The following RNF150 variants were observed in gnomAD, a reference collection of about 807,000 sequenced individuals.
The protein encoded by RNF150 is ring finger protein 150.
RNF150 carries 24 observed loss-of-function variants against 39.3 expected under a neutral mutation model. The ratio of observed to expected loss-of-function variants is 0.61; its 90% confidence interval spans 0.44 to 0.86. The LOEUF (loss-of-function observed/expected upper bound fraction) is 0.86. Ranked by LOEUF, RNF150 falls within the 40% of genes least tolerant of loss-of-function variation. The probability of loss-of-function intolerance (pLI) is 0.00; values close to 1 mark genes in which losing one functional copy is unlikely to be tolerated. For synonymous variants in RNF150, 255 were observed against 227.3 expected, an observed-to-expected ratio of 1.12 and a Z score of -1.10; for missense variants, 502 against 587.8, an observed-to-expected ratio of 0.85 and a Z score of 1.51.
intron 1 of RNF150, among the ~76,000 whole-genome samples, chr4:140,986,291 C>T (rs1368469563): frequency 1.3e-5 from 2 of 152,078 alleles, no homozygotes; most frequent in Non-Finnish European, 2.9e-5. Flanking sequence ...AAGGGGGTTA[C>T]ACAATCTACT....
In RNF150 at chr4:140,867,410, G is replaced by T. The variant is rs1234118891; in HGVS notation, c.*851C>A. ...TAAAACCAGCCCTACAACCACCAAA[G>T]ACTGGATGCCTTGGAGGGGACTTCT... On this transcript the variant is annotated 3_prime_UTR_variant, in exon 7 of 7. Coordinates refer to ENST00000515673, the MANE Select transcript of RNF150 (RefSeq NM_020724.2). 1 of 152,212 alleles carries T rather than the reference G, an allele frequency of 6.6e-6. No individual in the cohort carries two copies. The highest frequency in any genetic ancestry group is 2.1e-4 in the South Asian group (1 of 4,830). The allele number at this position is 152,212 out of a possible 1,614,324, so 9.4% of individuals were successfully genotyped here.
chr4:141,159,729 C>G (rs354925), intron 1 of RNF150, among the ~76,000 whole-genome samples: 147,565 of 152,140 alleles, frequency 0.97, 71,733 homozygotes, highest in East Asian at 1. Flanking sequence ...TTTTTGTAAA[C>G]GCAGGGTTTC....
chr4:141,172,166 A>T (rs1480257304), intron 1 of RNF150, among the ~76,000 whole-genome samples: 9 of 151,474 alleles, frequency 5.9e-5, no homozygotes, highest in Non-Finnish European at 1.2e-4. Context: ...ACTGTGGGGC[A>T]GCTCGGTGGC....
chr4:140,931,622 A>G (rs947114339), intron 4 of RNF150, among the ~76,000 whole-genome samples: 1 of 152,330 alleles, frequency 6.6e-6, no homozygotes, highest in Admixed American at 6.5e-5. Context: ...CCCATGGTTT[A>G]ACAAGTGCTG....
chr4:141,158,706 G>T (rs939498898), intron 1 of RNF150, among the ~76,000 whole-genome samples: 3 of 152,114 alleles, frequency 2.0e-5, no homozygotes, highest in Non-Finnish European at 4.4e-5. Context: ...AGTGTTAATA[G>T]ATAAGGTTCT....
At chr4:140,883,986 T>C (rs1729472197) in intron 6 of RNF150, among the ~76,000 whole-genome samples, 1 of 152,128 alleles carries the variant, frequency 6.6e-6, no homozygotes, top group African/African-American at 2.4e-5. Context: ...CTTTTTTTTT[T>C]TGCTCTTATG....
At chr4:141,142,938 C>T (rs1401373771) in intron 1 of RNF150, among the ~76,000 whole-genome samples, 8 of 151,322 alleles carry the variant, frequency 5.3e-5, no homozygotes, top group Admixed American at 3.3e-4. Context: ...GGTGCAGTCT[C>T]GGCTCACTGC....
chr4:140,925,781 G>T (rs749143800), intron 5 of RNF150, among the ~76,000 whole-genome samples, 196 bp downstream of exon 5: 1 of 152,164 alleles, frequency 6.6e-6, no homozygotes, highest in East Asian at 1.9e-4. Flanking sequence ...ATGGTGAAAG[G>T]TTGGGATGTC....
chr4:140,932,686 G>A (rs761552956), intron 4 of RNF150, among the ~76,000 whole-genome samples: 7 of 152,190 alleles, frequency 4.6e-5, no homozygotes, highest in Non-Finnish European at 7.3e-5. Context: ...ACCTATCTGA[G>A]GCACCCAATA....
At chr4:141,107,958 C>A (rs1475429665) in intron 1 of RNF150, among the ~76,000 whole-genome samples, 2 of 152,132 alleles carry the variant, frequency 1.3e-5, no homozygotes, top group Non-Finnish European at 2.9e-5. Flanking sequence ...TTGACAAAAT[C>A]CAGGACATTG....
chr4:141,034,237 T>A (rs550831788), intron 1 of RNF150, among the ~76,000 whole-genome samples: 48 of 152,342 alleles, frequency 3.2e-4, no homozygotes, highest in African/African-American at 1.1e-3. Flanking sequence ...TTGGAGATTG[T>A]GTCTTTCTTT....
At chr4:140,950,356 A>C (rs1276709288) in intron 2 of RNF150, among the ~76,000 whole-genome samples, 1 of 152,226 alleles carries the variant, frequency 6.6e-6, no homozygotes, top group Non-Finnish European at 1.5e-5. Context: ...TAGTGAACAC[A>C]TATTAGTGAA....
chr4:140,967,815 G>T lies in RNF150; in HGVS notation c.543C>A (p.Ser181Arg). ...TCACGGTGATGTTTCTTTCCAGCAG[G>T]CTTACTATCTCCTTCCCTTTTGGCT... ...IPEPKGKEIVSLLERNITVTM... is the reference protein window; with the variant it reads ...IPEPKGKEIVRLLERNITVTM... Residue 181 changes from serine (S) to arginine (R), a missense_variant, in exon 2 of 7, where the codon AGC becomes AGA. Physicochemically the swap from Ser to Arg is moderately radical, Grantham distance 110. Transcript: ENST00000515673. 1 of 1,613,404 alleles carries T rather than the reference G, an allele frequency of 6.2e-7. No homozygotes were observed. Among genetic ancestry groups the T allele is most frequent in the Non-Finnish European group, 8.5e-7 (1 of 1,179,564 alleles).
chr4:141,113,028 C>T (rs914926771), intron 1 of RNF150, among the ~76,000 whole-genome samples: 1 of 151,884 alleles, frequency 6.6e-6, no homozygotes, highest in Non-Finnish European at 1.5e-5. Flanking sequence ...GCTATTGATA[C>T]TTGAGTATGT....
At chr4:140,909,223 A>G (rs1560959633) in intron 6 of RNF150, among the ~76,000 whole-genome samples, 1 of 152,148 alleles carries the variant, frequency 6.6e-6, no homozygotes, top group East Asian at 1.9e-4. Context: ...TAAAAATCAA[A>G]TGACCTTTAA....
intron 6 of RNF150, among the ~76,000 whole-genome samples, chr4:140,902,463 C>T (rs1387648533): frequency 1.3e-5 from 2 of 152,176 alleles, no homozygotes; most frequent in Non-Finnish European, 2.9e-5. Flanking sequence ...ATAATTTTCA[C>T]TGTAGTAAAA....
chr4:140,973,874 T>TAAAA (rs566506401), intron 1 of RNF150, among the ~76,000 whole-genome samples: 8 of 110,482 alleles, frequency 7.2e-5, no homozygotes, highest in East Asian at 2.4e-4. Flanking sequence ...AGACTCTGTT[T>TAAAA]AAAAAAAAAA....
intron 1 of RNF150, among the ~76,000 whole-genome samples, chr4:141,190,273 C>T (rs1033490831): frequency 6.6e-6 from 1 of 152,196 alleles, no homozygotes; most frequent in Non-Finnish European, 1.5e-5. Context: ...TCCTATTAGG[C>T]CATTTTGCCA....
intron 1 of RNF150, among the ~76,000 whole-genome samples, chr4:141,131,340 C>G (rs1462820777): frequency 6.6e-6 from 1 of 152,256 alleles, no homozygotes. Context: ...GCCCAGAAAC[C>G]CCTTTGGGGA....
Sources: gnomAD v4.1 joint callset for allele counts (sites outside exome capture counted in the v4.1 genomes callset) on GRCh38, gnomAD v4.1.1 for gene constraint, MANE v1.5 for transcripts, NCBI Gene and HGNC (gene_info 2026-07-23, HGNC 2026-07-21) for gene names.